The following FARP2 variants were observed in gnomAD, a reference collection of about 807,000 sequenced individuals.
The protein encoded by FARP2 is FERM, ARHGEF and pleckstrin domain-containing protein 2.
In FARP2, 111 loss-of-function variants were observed where a neutral mutation model predicts 130.5. The ratio of observed to expected loss-of-function variants is 0.85; its 90% CI spans 0.73 to 1.00. The LOEUF is 1.00. FARP2 is among the 50% of genes least tolerant of loss of function. The pLI, the probability that FARP2 is intolerant of heterozygous loss-of-function variation, is 0.00. For synonymous variants in FARP2, 504 were observed against 516.9 expected, an observed-to-expected ratio of 0.98 and a Z score of 0.34; for missense variants, 1,385 against 1,346.3, an observed-to-expected ratio of 1.03 and a Z score of -0.45.
At chr2:241,363,087 C>T (rs1461435495) in intron 1 of FARP2, among the ~76,000 whole-genome samples, 3 of 152,192 alleles carry the variant, frequency 2.0e-5, no homozygotes, top group African/African-American at 7.2e-5. Context: ...TTTGAAGCAC[C>T]ACTTTGCACC....
chr2:241,418,500 G>C (rs1458119166), intron 8 of FARP2, among the ~76,000 whole-genome samples: 1 of 152,122 alleles, frequency 6.6e-6, no homozygotes. Flanking sequence ...AGCAGTCTCT[G>C]TGCTGTGGAT....
chr2:241,402,836 T>TTTTA (rs1463491106), intron 2 of FARP2, among the ~76,000 whole-genome samples: 33 of 16,836 alleles, frequency 2.0e-3, no homozygotes, highest in African/African-American at 4.5e-3. Flanking sequence ...CCCAGCTAAT[T>TTTTA]TATATATATA....
chr2:241,445,919 A>G (rs1175907055), intron 13 of FARP2: 1 of 152,148 alleles, frequency 6.6e-6, no homozygotes, highest in Non-Finnish European at 1.5e-5. Flanking sequence ...AGGTGTGTCT[A>G]CTCAGAGGGG....
At chr2:241,413,189 A>T (rs2062569041) in intron 6 of FARP2, 118 bp from the exon 7 acceptor site, 1 of 618,424 alleles carries the variant, frequency 1.6e-6, no homozygotes, top group Admixed American at 3.0e-5. Context: ...TTTTTTAGGG[A>T]TATATTCTTT....
chr2:241,479,134 T>C (rs1350576520), intron 19 of FARP2: 1 of 417,884 alleles, frequency 2.4e-6, no homozygotes, highest in East Asian at 4.1e-5. Flanking sequence ...CCTTTTGTGC[T>C]TCTGAGGTGG....
chr2:241,419,679 C>T (rs1034404207), intron 8 of FARP2, among the ~76,000 whole-genome samples: 12 of 152,240 alleles, frequency 7.9e-5, no homozygotes, highest in African/African-American at 2.4e-4. Flanking sequence ...CAGCCTTCAG[C>T]GGCAAAGTCA....
Position 241,468,157 on chromosome 2 carries a change from C to G in FARP2, c.1911C>G (p.Phe637Leu), listed in dbSNP as rs556220647. Reference protein sequence around the residue: ...MRQLKEFTSYFQRHDEVLTEL... With the variant: ...MRQLKEFTSYLQRHDEVLTEL... Reference sequence around the variant, plus strand: ...CTCCACAGGAGTTTACCAGCTACTTCCAAAGACATGACGAGGTCCTAACAG... The same window carrying G: ...CTCCACAGGAGTTTACCAGCTACTTGCAAAGACATGACGAGGTCCTAACAG... The change falls in exon 18 of 27, where the codon TTC (phenylalanine) becomes TTG (leucine). Residue 637 changes from phenylalanine to leucine, a missense_variant. Coordinates refer to ENST00000264042, the MANE Select transcript of FARP2 (RefSeq NM_014808.4). 3 of 1,613,532 alleles carry G rather than the reference C, an allele frequency of 1.9e-6. No individual in the cohort carries two copies. Among genetic ancestry groups the G allele is most frequent in the African/African-American group, 1.3e-5 (1 of 75,066 alleles).
chr2:241,420,254 C>T (rs2062772120), intron 8 of FARP2, among the ~76,000 whole-genome samples: 1 of 152,148 alleles, frequency 6.6e-6, no homozygotes, highest in Non-Finnish European at 1.5e-5. Flanking sequence ...CTTTATGTCC[C>T]AATAATGAGA....
chr2:241,465,003 A>C (rs2064132438), intron 17 of FARP2, among the ~76,000 whole-genome samples: 1 of 152,132 alleles, frequency 6.6e-6, no homozygotes, highest in Non-Finnish European at 1.5e-5. Flanking sequence ...AGGGTCCCCC[A>C]GAACATGGTC....
chr2:241,413,450 A>G, intron 7 of FARP2, 29 bp downstream of exon 7: 3 of 1,408,774 alleles, frequency 2.1e-6, no homozygotes, highest in Non-Finnish European at 3.0e-6. Context: ...CTGTCAACAC[A>G]TTGTCACCAC....
At chr2:241,474,791 C>CTAA (rs932531097) in intron 18 of FARP2, among the ~76,000 whole-genome samples, 15 of 137,566 alleles carry the variant, frequency 1.1e-4, no homozygotes, top group South Asian at 4.6e-4. Context: ...GACCCTGTCT[C>CTAA]TAATAATAAT....
intron 9 of FARP2, among the ~76,000 whole-genome samples, chr2:241,433,893 T>C (rs963127710): frequency 4.3e-4 from 65 of 151,990 alleles, no homozygotes; most frequent in South Asian, 1.0e-3. Flanking sequence ...GGGCTTGGTG[T>C]TGTGAGCCTG....
At chr2:241,418,157 T>A in intron 8 of FARP2, 48 bp downstream of exon 8, 2 of 1,602,564 alleles carry the variant, frequency 1.2e-6, no homozygotes, top group Non-Finnish European at 1.7e-6. Flanking sequence ...GGGGAGGTTT[T>A]CTGCAACCTG....
intron 1 of FARP2, among the ~76,000 whole-genome samples, chr2:241,363,414 C>T (rs143408648): frequency 5.9e-5 from 9 of 152,300 alleles, no homozygotes; most frequent in South Asian, 2.1e-4. Context: ...CATGGCTAAA[C>T]GGAGTAATTA....
At chr2:241,391,559 C>T (rs1362526598) in intron 2 of FARP2, among the ~76,000 whole-genome samples, 2 of 152,340 alleles carry the variant, frequency 1.3e-5, no homozygotes. Flanking sequence ...CTCGGGCCCA[C>T]CTTCCCCCAC....
chr2:241,388,007 C>G (rs1421201391), intron 2 of FARP2, among the ~76,000 whole-genome samples: 1 of 152,084 alleles, frequency 6.6e-6, no homozygotes, highest in African/African-American at 2.4e-5. Flanking sequence ...TCAAACTGCT[C>G]TACAGATTCA....
chr2:241,446,531 G>C (rs1401461460), intron 13 of FARP2: 2 of 152,218 alleles, frequency 1.3e-5, no homozygotes, highest in Non-Finnish European at 2.9e-5. Flanking sequence ...TGCTGTGGTT[G>C]TGATCACATG....
Position 241,395,417 on chromosome 2 carries a change from G to C in FARP2, c.184-8411G>C, listed in dbSNP as rs1324787435. The C allele has an allele frequency of 3.9e-5, 6 of 152,108 alleles. No homozygotes were observed. In the East Asian group the frequency reaches 1.2e-3, roughly 29 times the overall value. 9.4% of individuals were successfully genotyped at this position (152,108 alleles called of 1,614,324 possible). A position where few individuals can be genotyped will look rare whatever the true frequency, so the allele number is the denominator to read the frequency against. On this transcript the variant is annotated intron_variant, in intron 2 of 26. Transcript: ENST00000264042. ...ACATTTAGCTATTCAAATTAAATCT[G>C]TTTTTTCTATTTTGGTCTTCTTTAG...
chr2:241,418,313 A>T (rs1028802466), intron 8 of FARP2, among the ~76,000 whole-genome samples: 6 of 152,254 alleles, frequency 3.9e-5, no homozygotes, highest in Non-Finnish European at 8.8e-5. Context: ...CACACGTGTG[A>T]CTGTCCTCCA....
Sources: gnomAD v4.1 joint callset for allele counts (sites outside exome capture counted in the v4.1 genomes callset) on GRCh38, gnomAD v4.1.1 for gene constraint, MANE v1.5 for transcripts, NCBI Gene and HGNC (gene_info 2026-07-23, HGNC 2026-07-21) for gene names.